The following SLC35F4 variants were observed in gnomAD, a reference collection of about 807,000 sequenced individuals.
SLC35F4 encodes the protein chromosome 14 open reading frame 36.
In SLC35F4, 24 loss-of-function variants were observed where a neutral mutation model predicts 44.2. That is an observed-to-expected ratio of 0.54 (90% CI 0.39 to 0.76). SLC35F4 has a LOEUF of 0.76. Ranked by LOEUF, SLC35F4 falls within the 30% of genes least tolerant of loss-of-function variation. The pLI is 0.00. For missense variants in SLC35F4, 562 were observed against 586.1 expected, an observed-to-expected ratio of 0.96 and a Z score of 0.42; for synonymous variants, 238 against 223.6, an observed-to-expected ratio of 1.06 and a Z score of -0.57.
In SLC35F4 at chr14:57,865,913, G is replaced by A. The variant is rs1042828393; in HGVS notation, c.-88C>T. On this transcript the variant is annotated 5_prime_UTR_variant, in exon 1 of 8. Transcript: ENST00000556826. ...GCTGGTGCAGGTGCCGGAGCCGCTG[G>A]TGCTGATCTTGCAGCTCCTGCTCCC... 4.0e-5 allele frequency: 35 copies of A among 881,498 alleles called. No individual in the cohort carries two copies. The highest frequency in any genetic ancestry group is 5.4e-5 in the Non-Finnish European group (33 of 616,730). 54.6% of individuals were successfully genotyped at this position (881,498 alleles called of 1,614,324 possible). A position where few individuals can be genotyped will look rare whatever the true frequency, so the allele number is the denominator to read the frequency against.
intron 1 of SLC35F4, among the ~76,000 whole-genome samples, chr14:57,634,815 G>A (rs77192796): frequency 6.6e-6 from 1 of 152,140 alleles, no homozygotes; most frequent in African/African-American, 2.4e-5. Flanking sequence ...AAAGGTGATA[G>A]TGACTTCACC....
chr14:57,795,565 A>G (rs2078034790), intron 1 of SLC35F4, among the ~76,000 whole-genome samples: 1 of 152,198 alleles, frequency 6.6e-6, no homozygotes, highest in African/African-American at 2.4e-5. Flanking sequence ...ATGTTATAGC[A>G]TTATACATTC....
chr14:57,692,864 C>T (rs1443846737), intron 1 of SLC35F4, among the ~76,000 whole-genome samples: 1 of 152,066 alleles, frequency 6.6e-6, no homozygotes, highest in Non-Finnish European at 1.5e-5. Context: ...CAAATCTCTA[C>T]CTACAGGTGG....
At chr14:57,862,839 G>A (rs1887796679) in intron 1 of SLC35F4, among the ~76,000 whole-genome samples, 1 of 152,078 alleles carries the variant, frequency 6.6e-6, no homozygotes, top group African/African-American at 2.4e-5. Context: ...AATAATTTAT[G>A]TACTTGTTTA....
chr14:57,975,174 C>CCA (rs1328385684), downstream of SLC35F4, among the ~76,000 whole-genome samples: 2 of 152,302 alleles, frequency 1.3e-5, no homozygotes, highest in African/African-American at 4.8e-5. Context: ...GTAACACTGA[C>CCA]CACTTTTCTT....
At chr14:57,946,913 G>T (rs986574888) in intron 1 of SLC35F4, among the ~76,000 whole-genome samples, 15 of 152,002 alleles carry the variant, frequency 9.9e-5, no homozygotes, top group African/African-American at 3.6e-4. Context: ...TCCAGATTTG[G>T]GTTTGTTTTT....
chr14:57,840,864 C>A (rs946773581), intron 1 of SLC35F4, among the ~76,000 whole-genome samples: 1 of 152,298 alleles, frequency 6.6e-6, no homozygotes, highest in Admixed American at 6.5e-5. Context: ...ATGAGTACCA[C>A]TGAAAATCTG....
intron 1 of SLC35F4, among the ~76,000 whole-genome samples, chr14:57,793,820 T>C (rs1394130579): frequency 6.6e-6 from 1 of 152,162 alleles, no homozygotes; most frequent in African/African-American, 2.4e-5. Flanking sequence ...CCATAAAGGT[T>C]GTACTAATTT....
At position 57,902,970 on chromosome 14, in the gene SLC35F4, A is replaced by G. The variant is rs562194963; in HGVS notation, n.282+78943T>C. On this transcript the variant is annotated intron_variant and non_coding_transcript_variant, in intron 1 of 1. Transcript: ENST00000556568. The stretch of plus-strand genomic sequence containing the variant: ...TTTGCTGACGTTTTTCTACCTCCTC[A>G]CCCTGCCTTATTATTTTAGTATATA... Among the ~76,000 whole-genome samples the G allele has an allele frequency of 2.6e-5, 4 of 151,682 alleles. No homozygotes were observed. In the South Asian group the frequency reaches 8.3e-4, roughly 32 times the overall value.
At chr14:57,687,961 T>C (rs557441697) in intron 1 of SLC35F4, among the ~76,000 whole-genome samples, 58 of 152,324 alleles carry the variant, frequency 3.8e-4, no homozygotes, top group African/African-American at 8.7e-4. Flanking sequence ...CACTGCAAGA[T>C]TGTAGAATCA....
intron 1 of SLC35F4, among the ~76,000 whole-genome samples, chr14:57,819,154 T>G (rs1882909363): frequency 6.6e-6 from 1 of 152,184 alleles, no homozygotes; most frequent in East Asian, 1.9e-4. Flanking sequence ...AAGAAATTAC[T>G]AGCACTGATA....
chr14:57,956,535 T>C (rs774452061), intron 1 of SLC35F4, among the ~76,000 whole-genome samples: 5 of 152,260 alleles, frequency 3.3e-5, no homozygotes, highest in Non-Finnish European at 5.9e-5. Flanking sequence ...TTCTGCAATC[T>C]ATCCATCTGA....
At chr14:57,691,110 C>T (rs887159546) in intron 1 of SLC35F4, among the ~76,000 whole-genome samples, 3 of 151,718 alleles carry the variant, frequency 2.0e-5, no homozygotes, top group Non-Finnish European at 4.4e-5. Context: ...GGTCATGGCA[C>T]AGTGTATGGC....
chr14:57,750,763 T>C (rs1349234050), intron 1 of SLC35F4, among the ~76,000 whole-genome samples: 2 of 152,184 alleles, frequency 1.3e-5, no homozygotes, highest in African/African-American at 2.4e-5. Flanking sequence ...GCTGAGTTGT[T>C]TGAACTTTTT....
chr14:57,675,453 TGGCAAAC>T (rs1307005307), intron 1 of SLC35F4, among the ~76,000 whole-genome samples: 2 of 152,064 alleles, frequency 1.3e-5, no homozygotes, highest in Non-Finnish European at 2.9e-5. Flanking sequence ...ATAATATCAC[TGGCAAAC>T]GGCAACAATT....
chr14:57,703,076 C>T (rs757561912), intron 1 of SLC35F4, among the ~76,000 whole-genome samples: 14 of 152,022 alleles, frequency 9.2e-5, no homozygotes, highest in South Asian at 4.2e-4. Flanking sequence ...CCAGATGGCA[C>T]GGCAGAATAA....
chr14:57,880,584 G>T (rs1888513583), intron 1 of SLC35F4, among the ~76,000 whole-genome samples: 1 of 152,152 alleles, frequency 6.6e-6, no homozygotes, highest in African/African-American at 2.4e-5. Context: ...TTGATGTCTA[G>T]CACTTTTAAA....
intron 1 of SLC35F4, among the ~76,000 whole-genome samples, chr14:57,820,776 G>A (rs1490493664): frequency 1.3e-5 from 2 of 152,132 alleles, no homozygotes; most frequent in African/African-American, 4.8e-5. Flanking sequence ...ACAAGGCACT[G>A]CTTCTATAAG....
intron 1 of SLC35F4, among the ~76,000 whole-genome samples, chr14:57,717,601 A>C (rs1171795419): frequency 6.6e-6 from 1 of 152,162 alleles, no homozygotes; most frequent in East Asian, 1.9e-4. Context: ...GCGCCACTGC[A>C]CTCCAGCCTG....
Sources: gnomAD v4.1 joint callset for allele counts (sites outside exome capture counted in the v4.1 genomes callset) on GRCh38, gnomAD v4.1.1 for gene constraint, MANE v1.5 for transcripts, NCBI Gene and HGNC (gene_info 2026-07-23, HGNC 2026-07-21) for gene names.